Variants in C12orf42 observed in about 807,000 individuals in gnomAD.
The protein encoded by C12orf42 is chromosome 12 open reading frame 42.
In C12orf42, 25 loss-of-function variants were observed where a neutral mutation model predicts 21.6. That is an observed-to-expected ratio of 1.16 (90% CI 0.84 to 1.62). The LOEUF is 1.62. Among genes scored for constraint, C12orf42 ranks in the 40% most tolerant of loss-of-function variants. The pLI, the probability that C12orf42 is intolerant of heterozygous loss-of-function variation, is 0.00. For missense variants in C12orf42, 483 were observed against 459.3 expected (o/e 1.05, Z -0.47); for synonymous variants, 174 against 175.0 (o/e 0.99, Z 0.05).
the C12orf42 span, among the ~76,000 whole-genome samples, chr12:103,148,230 G>C: frequency 6.6e-6 from 1 of 151,988 alleles, no homozygotes; most frequent in Non-Finnish European, 1.5e-5. Context: ...AACTATTTTA[G>C]GTTCTTACAA....
chr12:103,152,684 A>T, the C12orf42 span, among the ~76,000 whole-genome samples: 1 of 152,130 alleles, frequency 6.6e-6, no homozygotes, highest in Admixed American at 6.5e-5. Context: ...TTTTTTTCTT[A>T]TAATGCAATA....
At chr12:103,563,772 G>C in the C12orf42 span, among the ~76,000 whole-genome samples, 1 of 152,274 alleles carries the variant, frequency 6.6e-6, no homozygotes, top group Non-Finnish European at 1.5e-5. Context: ...AAAGCAGCAA[G>C]AGTCGGGCAG....
chr12:103,277,765 A>C (rs1593265951), intron 4 of C12orf42, among the ~76,000 whole-genome samples: 1 of 151,712 alleles, frequency 6.6e-6, no homozygotes, highest in African/African-American at 2.4e-5. Context: ...GACCACAGGC[A>C]CCCGCCAAAA....
At chr12:103,383,528 C>T (rs1398484145) in intron 3 of C12orf42, among the ~76,000 whole-genome samples, 13 of 152,132 alleles carry the variant, frequency 8.5e-5, no homozygotes, top group Non-Finnish European at 1.6e-4. Context: ...AATGAATAAA[C>T]CTTGTACATG....
At chr12:103,532,235 C>T in the C12orf42 span, among the ~76,000 whole-genome samples, 1 of 152,182 alleles carries the variant, frequency 6.6e-6, no homozygotes, top group Admixed American at 6.5e-5. Flanking sequence ...TAATTTTTCA[C>T]ACCCATCTGC....
the C12orf42 span, among the ~76,000 whole-genome samples, chr12:103,205,075 C>A: frequency 6.6e-6 from 1 of 152,080 alleles, no homozygotes; most frequent in African/African-American, 2.4e-5. Context: ...CAATAGCTAC[C>A]ATATGGCTAC....
the C12orf42 span, among the ~76,000 whole-genome samples, chr12:103,168,970 T>A: frequency 6.6e-6 from 1 of 151,804 alleles, no homozygotes; most frequent in African/African-American, 2.4e-5. Context: ...TGAGAACATA[T>A]GGGCACAGGG....
At chr12:103,455,796 T>C (rs1172377216) in intron 2 of C12orf42, among the ~76,000 whole-genome samples, 3 of 152,132 alleles carry the variant, frequency 2.0e-5, no homozygotes, top group East Asian at 3.9e-4. Context: ...TTCTAAAACA[T>C]TTGCTTGTTT....
At chr12:103,231,608 A>C in the C12orf42 span, among the ~76,000 whole-genome samples, 2 of 152,228 alleles carry the variant, frequency 1.3e-5, no homozygotes, top group African/African-American at 4.8e-5. Flanking sequence ...CATGCATTTA[A>C]GTTTTTTCCA....
chr12:103,199,959 T>C, the C12orf42 span, among the ~76,000 whole-genome samples: 1 of 152,190 alleles, frequency 6.6e-6, no homozygotes, highest in Non-Finnish European at 1.5e-5. Context: ...AACCGTATGA[T>C]CCAGGAATTT....
At chr12:103,112,788 G>T in the C12orf42 span, among the ~76,000 whole-genome samples, 2 of 152,132 alleles carry the variant, frequency 1.3e-5, no homozygotes, top group Non-Finnish European at 2.9e-5. Flanking sequence ...CTAACTTCAT[G>T]TCTCCCTGGT....
In C12orf42 at chr12:103,490,568, C is replaced by A. The variant is rs117106975; in HGVS notation, c.-22+5334G>T. Among the ~76,000 whole-genome samples the A allele has an allele frequency of 2.1e-4, 32 of 152,014 alleles. No individual in the cohort carries two copies. In the East Asian group the frequency reaches 6.2e-3, roughly 29 times the overall value. On this transcript the variant is annotated intron_variant, in intron 1 of 5. Coordinates refer to ENST00000548883, the MANE Select transcript of C12orf42 (RefSeq NM_198521.5). ...TAGTGATCTTTTTCTTCCTTTTCAA[C>A]GACTATGCCACTTATTTCTGTTTTA...
At chr12:103,117,008 T>TCATCTCAAA in the C12orf42 span, among the ~76,000 whole-genome samples, 1 of 152,248 alleles carries the variant, frequency 6.6e-6, no homozygotes, top group Non-Finnish European at 1.5e-5. Context: ...AGCATATCCA[T>TCATCTCAAA]CATCTCAAAT....
chr12:103,375,706 G>GA (rs2045634293), intron 3 of C12orf42, among the ~76,000 whole-genome samples: 2 of 152,052 alleles, frequency 1.3e-5, no homozygotes, highest in African/African-American at 4.8e-5. Context: ...TAGTTATAAA[G>GA]AAAAAAGTTT....
chr12:103,508,947 T>C, the C12orf42 span, among the ~76,000 whole-genome samples: 3 of 152,206 alleles, frequency 2.0e-5, no homozygotes, highest in African/African-American at 7.2e-5. Context: ...TGAAGTACTT[T>C]ATATGTAAAA....
intron 2 of C12orf42, among the ~76,000 whole-genome samples, chr12:103,447,213 C>G (rs747352540): frequency 3.3e-5 from 5 of 151,882 alleles, no homozygotes; most frequent in African/African-American, 9.7e-5. Flanking sequence ...AAGGAATCCT[C>G]AAAATCATGC....
chr12:103,203,546 T>C, the C12orf42 span, among the ~76,000 whole-genome samples: 1 of 152,316 alleles, frequency 6.6e-6, no homozygotes, highest in African/African-American at 2.4e-5. Context: ...CTATGGGTTG[T>C]TGACATCTTT....
chr12:103,334,468 T>G (rs544963679), intron 4 of C12orf42, among the ~76,000 whole-genome samples: 43 of 152,238 alleles, frequency 2.8e-4, no homozygotes, highest in African/African-American at 1.0e-3. Flanking sequence ...AAAACCCTGA[T>G]CCCTTTAATA....
intron 3 of C12orf42, chr12:103,378,913 T>C (rs1367023525): frequency 6.6e-6 from 1 of 151,328 alleles, no homozygotes; most frequent in African/African-American, 2.4e-5. Flanking sequence ...TCAATGAAAA[T>C]TGAAAGGGAA....
Sources: gnomAD v4.1 joint callset for allele counts (sites outside exome capture counted in the v4.1 genomes callset) on GRCh38, gnomAD v4.1.1 for gene constraint, MANE v1.5 for transcripts, NCBI Gene and HGNC (gene_info 2026-07-23, HGNC 2026-07-21) for gene names.